Variants in SHISA9 observed in about 807,000 individuals in gnomAD.
SHISA9 encodes protein shisa-9.
A neutral mutation model predicts 38.0 loss-of-function variants in SHISA9; 13 were observed. The ratio of observed to expected loss-of-function variants is 0.34; its 90% CI spans 0.22 to 0.54. SHISA9 has a LOEUF of 0.54. Ranked by LOEUF, SHISA9 falls within the 20% of genes least tolerant of loss-of-function variation. SHISA9 has a pLI of 0.91. For synonymous variants in SHISA9, 275 were observed against 242.0 expected (o/e 1.14, Z -1.27); for missense variants, 538 against 575.8 (o/e 0.93, Z 0.67).
the SHISA9 span, among the ~76,000 whole-genome samples, chr16:13,473,349 C>CTTTTTTTTTTTTTTTTTTTTTT: frequency 5.4e-5 from 4 of 73,898 alleles, no homozygotes; most frequent in African/African-American, 1.0e-4. Context: ...TTCTTTCTTT[C>CTTTTTTTTTTTTTTTTTTTTTT]TTTTTTTTTT....
the SHISA9 span, among the ~76,000 whole-genome samples, chr16:13,441,753 G>A: frequency 8.3e-3 from 1,258 of 152,142 alleles, 17 homozygotes; most frequent in African/African-American, 0.029. Flanking sequence ...GTCAAACCTG[G>A]TGCCGTCCCT....
the SHISA9 span, among the ~76,000 whole-genome samples, chr16:13,363,085 A>G: frequency 6.6e-6 from 1 of 152,206 alleles, no homozygotes; most frequent in Non-Finnish European, 1.5e-5. Flanking sequence ...TACTCTCTGT[A>G]GGCACTGGGT....
chr16:13,231,947 T>G (rs924652522), intron 4 of SHISA9, among the ~76,000 whole-genome samples: 2 of 152,232 alleles, frequency 1.3e-5, no homozygotes, highest in Admixed American at 6.5e-5. Flanking sequence ...GACAGTTTCC[T>G]TATTTGTCAA....
chr16:12,909,086 G>A (rs2071145527), intron 1 of SHISA9: 1 of 988,420 alleles, frequency 1.0e-6, no homozygotes, highest in African/African-American at 1.7e-5. Context: ...GCTTTGACCA[G>A]CTTCCCAGGC....
the SHISA9 span, among the ~76,000 whole-genome samples, chr16:13,426,941 G>C: frequency 3.9e-3 from 594 of 152,238 alleles, 2 homozygotes; most frequent in Middle Eastern, 6.8e-3. Context: ...GCAGTAACAG[G>C]CAACCCCCAA....
chr16:13,258,883 T>C, the SHISA9 span, among the ~76,000 whole-genome samples: 1 of 152,120 alleles, frequency 6.6e-6, no homozygotes, highest in Non-Finnish European at 1.5e-5. Flanking sequence ...AAGATTTGGG[T>C]GGGGACACAG....
chr16:13,453,910 C>T, the SHISA9 span, among the ~76,000 whole-genome samples: 2 of 152,152 alleles, frequency 1.3e-5, no homozygotes, highest in Non-Finnish European at 2.9e-5. Context: ...AGTACAGAGG[C>T]TTGTCCGATC....
chr16:12,950,891 A>T (rs566458665), intron 2 of SHISA9, among the ~76,000 whole-genome samples: 28 of 150,864 alleles, frequency 1.9e-4, no homozygotes, highest in Admixed American at 9.3e-4. Flanking sequence ...TACAGGCGAG[A>T]GCCACTGCGC....
chr16:13,328,280 C>A, the SHISA9 span, among the ~76,000 whole-genome samples: 6 of 152,108 alleles, frequency 3.9e-5, no homozygotes, highest in Middle Eastern at 3.2e-3. Flanking sequence ...GAGTCTGTTT[C>A]TAGTTAGAGT....
the SHISA9 span, among the ~76,000 whole-genome samples, chr16:13,481,926 T>C: frequency 2.4e-3 from 370 of 152,346 alleles, 6 homozygotes; most frequent in East Asian, 0.056. Context: ...CATACTTTGA[T>C]TGAATAATCA....
the SHISA9 span, among the ~76,000 whole-genome samples, chr16:13,416,200 GA>G: frequency 6.6e-6 from 1 of 152,166 alleles, no homozygotes; most frequent in South Asian, 2.1e-4. Context: ...AAGGCTTATA[GA>G]AAGAGTTATA....
At chr16:13,095,916 G>A (rs1393816156) in intron 2 of SHISA9, among the ~76,000 whole-genome samples, 1 of 152,218 alleles carries the variant, frequency 6.6e-6, no homozygotes, top group Non-Finnish European at 1.5e-5. Flanking sequence ...AAGTCCTTAT[G>A]TCTGGGGCAG....
chr16:13,002,341 GC>G (rs2072536004), intron 2 of SHISA9, among the ~76,000 whole-genome samples: 1 of 152,128 alleles, frequency 6.6e-6, no homozygotes, highest in Admixed American at 6.6e-5. Flanking sequence ...GGTAATAAAA[GC>G]CTGCAGAATT....
intron 2 of SHISA9, among the ~76,000 whole-genome samples, chr16:13,116,708 G>A (rs1013829947): frequency 6.6e-6 from 1 of 152,184 alleles, no homozygotes; most frequent in Admixed American, 6.5e-5. Context: ...AATCTAGACT[G>A]AGTGTCAGTT....
In SHISA9 at chr16:13,100,908, T is replaced by C. The variant is rs553453479; in HGVS notation, c.692-102486T>C. Among the ~76,000 whole-genome samples the C allele has an allele frequency of 1.2e-4, 19 of 152,258 alleles. No individual in the cohort carries two copies. The South Asian group carries it at 3.5e-3, about 28-fold the overall frequency. ...TTTTAGTAGAGACGGGGTTTTGCCATGTTGGTCAAACTCCTGACCTCAGGT... is the reference window on the plus strand; with the variant it reads ...TTTTAGTAGAGACGGGGTTTTGCCACGTTGGTCAAACTCCTGACCTCAGGT... On this transcript the variant is annotated intron_variant, in intron 2 of 4. Transcript: ENST00000558583.
At chr16:12,986,431 A>G (rs777639237) in intron 2 of SHISA9, among the ~76,000 whole-genome samples, 3 of 152,278 alleles carry the variant, frequency 2.0e-5, no homozygotes, top group South Asian at 2.1e-4. Flanking sequence ...TACAGCCACA[A>G]GTATTTTGTG....
intron 2 of SHISA9, among the ~76,000 whole-genome samples, chr16:12,930,481 C>G (rs1275401615): frequency 1.3e-5 from 2 of 152,170 alleles, no homozygotes; most frequent in Non-Finnish European, 2.9e-5. Flanking sequence ...AATTCAATCA[C>G]AATTGATTTT....
chr16:13,367,735 C>CAA, the SHISA9 span, among the ~76,000 whole-genome samples: 8 of 148,354 alleles, frequency 5.4e-5, no homozygotes, highest in African/African-American at 2.0e-4. Context: ...CACACACACA[C>CAA]ACACACACAC....
chr16:13,507,136 G>C, the SHISA9 span, among the ~76,000 whole-genome samples: 1 of 151,946 alleles, frequency 6.6e-6, no homozygotes, highest in Non-Finnish European at 1.5e-5. Flanking sequence ...TTTCAGGCAA[G>C]AGTAACTTTG....
Sources: allele counts gnomAD v4.1 joint callset (sites outside exome capture counted in the v4.1 genomes callset), GRCh38; gene constraint gnomAD v4.1.1; transcripts MANE v1.5; gene names NCBI Gene and HGNC (gene_info 2026-07-23, HGNC 2026-07-21).